ELK3: variants seen among roughly 807,000 people sequenced by gnomAD.
The protein encoded by ELK3 is ETS domain-containing protein Elk-3.
ELK3 carries 10 observed loss-of-function variants against 28.9 expected under a neutral mutation model. The observed-to-expected ratio is 0.35, with a 90% confidence interval of 0.21 to 0.59. The LOEUF (loss-of-function observed/expected upper bound fraction) is 0.59. Ranked by LOEUF, ELK3 falls within the 20% of genes least tolerant of loss-of-function variation. The pLI, the probability that ELK3 is intolerant of heterozygous loss-of-function variation, is 0.82. For missense variants in ELK3, 463 were observed against 517.3 expected, an observed-to-expected ratio of 0.90 and a Z score of 1.02; for synonymous variants, 272 against 243.5, an observed-to-expected ratio of 1.12 and a Z score of -1.09.
chr12:96,209,301 C>T (rs1951560738), intron 1 of ELK3, among the ~76,000 whole-genome samples: 1 of 151,936 alleles, frequency 6.6e-6, no homozygotes, highest in African/African-American at 2.4e-5. Flanking sequence ...GAATTCCTAC[C>T]TTTTGCCTTG....
At chr12:96,228,415 TCAA>T (rs1393423495) in intron 2 of ELK3, among the ~76,000 whole-genome samples, 3 of 32,930 alleles carry the variant, frequency 9.1e-5, no homozygotes, top group African/African-American at 2.0e-4. Flanking sequence ...AGACTCTGTG[TCAA>T]AAAAAAAAAA....
At chr12:96,211,850 C>T (rs1327734476) in intron 1 of ELK3, among the ~76,000 whole-genome samples, 1 of 152,084 alleles carries the variant, frequency 6.6e-6, no homozygotes, top group African/African-American at 2.4e-5. Flanking sequence ...TTTCTGTGTC[C>T]AGTATTATGA....
intron 3 of ELK3, among the ~76,000 whole-genome samples, chr12:96,256,125 G>C (rs753043990): frequency 6.6e-6 from 1 of 152,200 alleles, no homozygotes; most frequent in Non-Finnish European, 1.5e-5. Context: ...GGAGACCGGA[G>C]GCAGGTGGAC....
chr12:96,232,753 CAAACA>C (rs1189994193), intron 2 of ELK3, among the ~76,000 whole-genome samples: 3 of 14,762 alleles, frequency 2.0e-4, no homozygotes, highest in African/African-American at 1.8e-3. Flanking sequence ...TCTACAAAAA[CAAACA>C]AAAAAAAGCC....
At chr12:96,229,248 G>A (rs11108446) in intron 2 of ELK3, among the ~76,000 whole-genome samples, 39,996 of 152,104 alleles carry the variant, frequency 0.26, 5,774 homozygotes, top group East Asian at 0.59. Flanking sequence ...TTATTGTCCC[G>A]TAGTTTCCTA....
intron 1 of ELK3, among the ~76,000 whole-genome samples, chr12:96,197,106 A>G (rs751943950): frequency 5.8e-4 from 88 of 152,218 alleles, no homozygotes; most frequent in Non-Finnish European, 1.1e-3. Context: ...TTCCTTAAGA[A>G]TGGAGGTTGT....
intron 2 of ELK3, among the ~76,000 whole-genome samples, chr12:96,226,118 G>A (rs951982717): frequency 3.9e-5 from 6 of 152,016 alleles, no homozygotes; most frequent in African/African-American, 1.5e-4. Context: ...GGCAATAGAG[G>A]GAGATCCTGT....
At chr12:96,201,503 C>T (rs1298772156) in intron 1 of ELK3, among the ~76,000 whole-genome samples, 1 of 149,736 alleles carries the variant, frequency 6.7e-6, no homozygotes, top group Non-Finnish European at 1.5e-5. Context: ...GTCCCAGCTA[C>T]CCGGGAGGTC....
intron 2 of ELK3, among the ~76,000 whole-genome samples, chr12:96,226,605 TATGCCCAC>T (rs1227493661): frequency 2.0e-5 from 3 of 149,432 alleles, no homozygotes; most frequent in African/African-American, 5.1e-5. Flanking sequence ...CACACACACA[TATGCCCAC>T]ATGCACACAG....
At chr12:96,208,061 G>GTT (rs796955029) in intron 1 of ELK3, among the ~76,000 whole-genome samples, 3 of 150,524 alleles carry the variant, frequency 2.0e-5, no homozygotes, top group African/African-American at 7.3e-5. Context: ...TTTGTTTTTT[G>GTT]TTTTTTTTTG....
chr12:96,222,245 G>A (rs1380532716), intron 1 of ELK3, among the ~76,000 whole-genome samples: 3 of 152,332 alleles, frequency 2.0e-5, no homozygotes, highest in Admixed American at 2.0e-4. Context: ...CTGCCCAGGA[G>A]TGGGGAAAAA....
chr12:96,265,493 C>T (rs1308263637), intron 4 of ELK3, among the ~76,000 whole-genome samples: 1 of 152,112 alleles, frequency 6.6e-6, no homozygotes, highest in African/African-American at 2.4e-5. Flanking sequence ...CCAGACCAGC[C>T]TGGGCAACAT....
intron 1 of ELK3, among the ~76,000 whole-genome samples, chr12:96,195,506 A>T (rs117178608): frequency 0.014 from 2,061 of 152,318 alleles, 44 homozygotes; most frequent in Admixed American, 0.056. Flanking sequence ...AGGCGGGATT[A>T]AGATTTTGGA....
intron 2 of ELK3, among the ~76,000 whole-genome samples, chr12:96,237,291 C>T (rs1439199416): frequency 6.6e-6 from 1 of 152,176 alleles, no homozygotes; most frequent in Non-Finnish European, 1.5e-5. Flanking sequence ...TCTTAAATAG[C>T]TGGGTGTGGC....
chr12:96,247,641 G>A lies in ELK3; in HGVS notation c.909G>A (p.Pro303=), dbSNP rs745501378. The change falls in exon 3 of 5, where the codon CCG becomes CCA. Residue 303 remains proline (P), a synonymous_variant. Coordinates refer to ENST00000228741, the MANE Select transcript of ELK3 (RefSeq NM_005230.4). The surrounding 1 kb of genome is among the most constrained non-coding windows in gnomAD (Gnocchi z 5.5). ...KPKGLEISAP[P]LVLSGTDIGS... Reference sequence around the variant, plus strand: ...AAGGCTTGGAAATCTCAGCGCCCCCGCTGGTGCTCTCCGGCACCGACATCG... The same window carrying A: ...AAGGCTTGGAAATCTCAGCGCCCCCACTGGTGCTCTCCGGCACCGACATCG... The A allele has an allele frequency of 2.0e-5, 33 of 1,612,756 alleles. No homozygotes were observed. Among genetic ancestry groups the A allele is most frequent in the Non-Finnish European group, 2.5e-5 (30 of 1,180,004 alleles).
chr12:96,215,899 G>A (rs997668674), intron 1 of ELK3, among the ~76,000 whole-genome samples: 1 of 152,148 alleles, frequency 6.6e-6, no homozygotes, highest in Non-Finnish European at 1.5e-5. Context: ...CTCCCAAAGT[G>A]CCAGGATTAC....
chr12:96,225,759 C>T (rs1951694715), intron 2 of ELK3, among the ~76,000 whole-genome samples: 1 of 152,236 alleles, frequency 6.6e-6, no homozygotes, highest in East Asian at 1.9e-4. Flanking sequence ...CATTCATTTC[C>T]TTTGCCTTTG....
chr12:96,236,723 C>G (rs1204764228), intron 2 of ELK3, among the ~76,000 whole-genome samples: 1 of 152,238 alleles, frequency 6.6e-6, no homozygotes, highest in Non-Finnish European at 1.5e-5. Context: ...TGTGCCTCCT[C>G]TGCCTCGCTG....
intron 2 of ELK3, among the ~76,000 whole-genome samples, chr12:96,226,641 CACAT>C (rs1245722148): frequency 2.0e-5 from 3 of 152,244 alleles, no homozygotes; most frequent in East Asian, 1.9e-4. Context: ...CACCCACTTG[CACAT>C]ACATATCCAC....
Sources: gnomAD v4.1 joint callset for allele counts (sites outside exome capture counted in the v4.1 genomes callset) on GRCh38, gnomAD v4.1.1 for gene constraint, Gnocchi (gnomAD v3.1) non-coding constraint, MANE v1.5 for transcripts, NCBI Gene and HGNC (gene_info 2026-07-23, HGNC 2026-07-21) for gene names.